The following RBFOX1 variants were observed in gnomAD, a reference collection of about 807,000 sequenced individuals.
RBFOX1 encodes the protein RNA binding protein fox-1 homolog 1.
Under a neutral mutation model 57.7 loss-of-function variants are expected in RBFOX1, and 8 were observed. The observed-to-expected ratio is 0.14, with a 90% CI of 0.08 to 0.25. The LOEUF (loss-of-function observed/expected upper bound fraction) is 0.25. Among genes scored for constraint, RBFOX1 ranks in the 10% least tolerant of loss-of-function variants. The pLI is 1.00. For synonymous variants in RBFOX1, 326 were observed against 222.4 expected, an observed-to-expected ratio of 1.47 and a Z score of -4.15; for missense variants, 611 against 548.5, an observed-to-expected ratio of 1.11 and a Z score of -1.14.
intron 1 of RBFOX1, among the ~76,000 whole-genome samples, chr16:5,367,622 A>C (rs1360363175): frequency 6.6e-6 from 1 of 152,236 alleles, no homozygotes; most frequent in Admixed American, 6.5e-5. Context: ...CAGCAGCTCT[A>C]GCTTAACATT....
At chr16:6,678,105 A>C (rs1476662722) in intron 3 of RBFOX1, among the ~76,000 whole-genome samples, 2 of 152,158 alleles carry the variant, frequency 1.3e-5, no homozygotes, top group Non-Finnish European at 2.9e-5. Context: ...CATCTACTTA[A>C]ATTAAAAGTT....
intron 2 of RBFOX1, among the ~76,000 whole-genome samples, chr16:6,414,129 G>A (rs2093554599): frequency 1.3e-5 from 2 of 152,176 alleles, no homozygotes; most frequent in Non-Finnish European, 2.9e-5. Flanking sequence ...AGCCAGCACA[G>A]GCCCTTGGAC....
chr16:7,266,917 G>C (rs74429107), intron 4 of RBFOX1, among the ~76,000 whole-genome samples: 1 of 151,980 alleles, frequency 6.6e-6, no homozygotes, highest in Non-Finnish European at 1.5e-5. Flanking sequence ...GGAGGTTGCT[G>C]GGGGGAGACT....
intron 4 of RBFOX1, among the ~76,000 whole-genome samples, chr16:7,205,989 C>T (rs1172978718): frequency 1.3e-5 from 2 of 152,186 alleles, no homozygotes; most frequent in African/African-American, 2.4e-5. Flanking sequence ...AGCCTATGGC[C>T]GATGTTGTGT....
chr16:7,246,497 C>T (rs904467451), intron 4 of RBFOX1, among the ~76,000 whole-genome samples: 1 of 152,166 alleles, frequency 6.6e-6, no homozygotes, highest in Non-Finnish European at 1.5e-5. Flanking sequence ...ATTATCTGGC[C>T]TCTCTCCAGT....
intron 4 of RBFOX1, among the ~76,000 whole-genome samples, chr16:7,099,301 A>G (rs1449730787): frequency 6.6e-6 from 1 of 152,092 alleles, no homozygotes; most frequent in African/African-American, 2.4e-5. Flanking sequence ...AAAACCAAGG[A>G]ATTTCGTAAT....
chr16:5,375,932 T>G (rs867087748), intron 1 of RBFOX1, among the ~76,000 whole-genome samples: 4 of 152,100 alleles, frequency 2.6e-5, no homozygotes, highest in African/African-American at 9.7e-5. Context: ...TTTGGGAGGC[T>G]GAGGTGGCTG....
intron 3 of RBFOX1, among the ~76,000 whole-genome samples, chr16:5,663,846 G>A (rs2049742956): frequency 6.6e-6 from 1 of 152,220 alleles, no homozygotes; most frequent in Non-Finnish European, 1.5e-5. Context: ...GTGCATTTTA[G>A]TTTAAAGTTG....
intron 2 of RBFOX1, among the ~76,000 whole-genome samples, chr16:5,499,765 G>C (rs934911797): frequency 6.6e-6 from 1 of 151,914 alleles, no homozygotes; most frequent in Non-Finnish European, 1.5e-5. Flanking sequence ...TAGAAAGGGG[G>C]TTTCACCATG....
At chr16:7,375,113 C>G (rs2097660275) in intron 4 of RBFOX1, among the ~76,000 whole-genome samples, 1 of 152,174 alleles carries the variant, frequency 6.6e-6, no homozygotes, top group African/African-American at 2.4e-5. Context: ...ATTATGCTAG[C>G]CATTACGCAT....
chr16:6,069,095 G>C (rs981518656), intron 1 of RBFOX1, among the ~76,000 whole-genome samples: 1 of 152,068 alleles, frequency 6.6e-6, no homozygotes, highest in Non-Finnish European at 1.5e-5. Flanking sequence ...GAAGGAGCGA[G>C]GGAAGAGAAA....
At chr16:7,508,163 T>C (rs1338971404) in intron 4 of RBFOX1, among the ~76,000 whole-genome samples, 1 of 151,102 alleles carries the variant, frequency 6.6e-6, no homozygotes. Flanking sequence ...ATTTTTGTAT[T>C]TTTCGTAGAG....
intron 3 of RBFOX1, among the ~76,000 whole-genome samples, chr16:6,975,076 A>G (rs1323655242): frequency 6.6e-6 from 1 of 152,152 alleles, no homozygotes; most frequent in African/African-American, 2.4e-5. Context: ...CAGAATAAAG[A>G]GGACGGGAAA....
intron 4 of RBFOX1, among the ~76,000 whole-genome samples, chr16:7,218,013 T>C (rs1324725082): frequency 6.6e-6 from 1 of 151,290 alleles, no homozygotes; most frequent in Non-Finnish European, 1.5e-5. Flanking sequence ...TGTGTGTTTG[T>C]ACGTGTGTGG....
At chr16:6,678,916 A>AT (rs2058190518) in intron 3 of RBFOX1, among the ~76,000 whole-genome samples, 1 of 152,118 alleles carries the variant, frequency 6.6e-6, no homozygotes, top group African/African-American at 2.4e-5. Flanking sequence ...ACATGAAGCC[A>AT]TTTGGGGTGG....
intron 4 of RBFOX1, among the ~76,000 whole-genome samples, chr16:5,986,893 C>T (rs965796455): frequency 5.3e-5 from 8 of 152,256 alleles, no homozygotes; most frequent in East Asian, 1.9e-4. Flanking sequence ...GATGCCGAAG[C>T]GTACAACTGC....
chr16:7,421,843 C>T (rs370350035), intron 4 of RBFOX1, among the ~76,000 whole-genome samples: 2 of 152,208 alleles, frequency 1.3e-5, no homozygotes, highest in South Asian at 4.1e-4. Flanking sequence ...TAAGGGCATG[C>T]AAATAGAGAG....
At chr16:6,346,662 G>T (rs1184639865) in intron 2 of RBFOX1, among the ~76,000 whole-genome samples, 1 of 152,218 alleles carries the variant, frequency 6.6e-6, no homozygotes, top group South Asian at 2.1e-4. Flanking sequence ...AACTCTGTTA[G>T]ATTTAATTTG....
intron 1 of RBFOX1, among the ~76,000 whole-genome samples, chr16:5,453,374 T>C (rs1406401540): frequency 1.3e-5 from 2 of 152,142 alleles, no homozygotes; most frequent in East Asian, 1.9e-4. Flanking sequence ...TTAAAGATCT[T>C]AGATTCAACT....
Sources: gnomAD v4.1 joint callset for allele counts (sites outside exome capture counted in the v4.1 genomes callset) on GRCh38, gnomAD v4.1.1 for gene constraint, MANE v1.5 for transcripts, NCBI Gene and HGNC (gene_info 2026-07-23, HGNC 2026-07-21) for gene names.